GPR39: variants seen among roughly 807,000 people sequenced by gnomAD.
GPR39 encodes the protein G protein-coupled receptor 39, also known as zinc sensing receptor.
In GPR39, 23 loss-of-function variants were observed where a neutral mutation model predicts 18.4. The observed-to-expected ratio is 1.25, with a 90% CI of 0.90 to 1.77. The LOEUF (loss-of-function observed/expected upper bound fraction) is 1.77, where lower values mean the gene tolerates loss of function less well. GPR39 is among the 40% of genes most tolerant of loss of function. The pLI, the probability that GPR39 is intolerant of heterozygous loss-of-function variation, is 0.00. For missense variants in GPR39, 647 were observed against 602.4 expected (o/e 1.07, Z -0.78); for synonymous variants, 280 against 257.9 (o/e 1.09, Z -0.82).
chr2:132,582,373 T>G (rs1277928411), intron 1 of GPR39, among the ~76,000 whole-genome samples: 2 of 152,254 alleles, frequency 1.3e-5, no homozygotes, highest in South Asian at 4.1e-4. Flanking sequence ...TTGGATAATG[T>G]AATTCTTAAG....
intron 1 of GPR39, among the ~76,000 whole-genome samples, chr2:132,615,464 G>C (rs924614393): frequency 2.0e-5 from 3 of 152,146 alleles, no homozygotes; most frequent in African/African-American, 7.2e-5. Context: ...CAGAAGGGCT[G>C]AGCAGCAGAG....
intron 1 of GPR39, among the ~76,000 whole-genome samples, chr2:132,578,044 C>T (rs1356932125): frequency 6.7e-6 from 1 of 150,056 alleles, no homozygotes; most frequent in Non-Finnish European, 1.5e-5. Flanking sequence ...AAAGAAACTC[C>T]CCTCTATTTC....
At chr2:132,532,345 ATAAT>A (rs1218569355) in intron 1 of GPR39, among the ~76,000 whole-genome samples, 1 of 152,182 alleles carries the variant, frequency 6.6e-6, no homozygotes, top group East Asian at 1.9e-4. Flanking sequence ...AATTGTGGCA[ATAAT>A]TAATAGCTTA....
intron 1 of GPR39, among the ~76,000 whole-genome samples, chr2:132,514,441 G>T (rs1428552390): frequency 6.6e-6 from 1 of 152,170 alleles, no homozygotes; most frequent in Non-Finnish European, 1.5e-5. Flanking sequence ...GAGGGTCACA[G>T]GCTCCCCCGT....
chr2:132,418,803 T>A (rs1034265850), intron 1 of GPR39, among the ~76,000 whole-genome samples: 1 of 151,798 alleles, frequency 6.6e-6, no homozygotes, highest in Non-Finnish European at 1.5e-5. Flanking sequence ...TTAAAATATA[T>A]TTTTTTAGCA....
chr2:132,493,031 CCA>C (rs200587562), intron 1 of GPR39, among the ~76,000 whole-genome samples: 5,655 of 134,634 alleles, frequency 0.042, 416 homozygotes, highest in African/African-American at 0.14. Flanking sequence ...TATATATATA[CCA>C]TATATATACC....
rs975155511 is a variant in GPR39, at chr2:132,645,653, A to G, written c.*47A>G. On this transcript the variant is annotated 3_prime_UTR_variant, in exon 2 of 2. Coordinates refer to ENST00000329321, the MANE Select transcript of GPR39 (RefSeq NM_001508.3). ...AGTGGGAACTGGCCCTCCAGCCCTA[A>G]GAAAACGTCACTCTCACTCTGCAGT... The G allele has an allele frequency of 1.9e-6, 3 of 1,568,026 alleles. No individual in the cohort carries two copies. Among genetic ancestry groups the G allele is most frequent in the Middle Eastern group, 1.8e-4 (1 of 5,674 alleles).
chr2:132,625,719 G>T (rs1040797148), intron 1 of GPR39, among the ~76,000 whole-genome samples: 1 of 152,136 alleles, frequency 6.6e-6, no homozygotes, highest in African/African-American at 2.4e-5. Flanking sequence ...TGCTGATTCA[G>T]CACTCTGTTT....
intron 1 of GPR39, among the ~76,000 whole-genome samples, chr2:132,445,349 A>G (rs943701711): frequency 3.3e-5 from 5 of 152,228 alleles, no homozygotes; most frequent in Non-Finnish European, 7.3e-5. Context: ...GAACAAAAGA[A>G]GAAACTGATT....
At chr2:132,522,802 T>G (rs2104768228) in intron 1 of GPR39, among the ~76,000 whole-genome samples, 1 of 152,346 alleles carries the variant, frequency 6.6e-6, no homozygotes, top group South Asian at 2.1e-4. Context: ...GGAGCCTCCA[T>G]GTGGGGAAAC....
chr2:132,436,499 T>C (rs1025473057), intron 1 of GPR39, among the ~76,000 whole-genome samples: 13 of 152,290 alleles, frequency 8.5e-5, no homozygotes, highest in African/African-American at 2.9e-4. Context: ...GCTGGAGTCA[T>C]GTTCTCCGCA....
chr2:132,465,218 T>C (rs900175342), intron 1 of GPR39, among the ~76,000 whole-genome samples: 1 of 152,182 alleles, frequency 6.6e-6, no homozygotes, highest in African/African-American at 2.4e-5. Flanking sequence ...CCCTTTGTCC[T>C]GATCAGATCT....
chr2:132,633,683 G>A (rs1681693478), intron 1 of GPR39, among the ~76,000 whole-genome samples: 1 of 152,074 alleles, frequency 6.6e-6, no homozygotes, highest in Non-Finnish European at 1.5e-5. Flanking sequence ...AGGAGGTGAT[G>A]AGATAATGAC....
In GPR39 at chr2:132,417,876, G is replaced by C. The variant is rs1233106611; in HGVS notation, c.834G>C (p.Arg278Ser). 6.3e-7 allele frequency: 1 copy of C among 1,594,846 alleles called. No individual in the cohort carries two copies. Among genetic ancestry groups the C allele is most frequent in the East Asian group, 2.2e-5 (1 of 44,600 alleles). ...KSESEESRTA[R>S]RQTIIFLRLI... ...AGAGCGAAGAGAGCAGGACCGCCAG[G>C]AGGCAGACCATCATCTTCCTGAGTG... Residue 278 changes from arginine to serine, a missense_variant, in exon 1 of 2, where the codon AGG becomes AGC. Arg to Ser is a moderately radical substitution (Grantham distance 110). This residue lies in a region of GPR39 where 581 missense variants were observed against 506.8 expected (regional missense o/e 1.15). Transcript: ENST00000329321.
chr2:132,569,371 C>T (rs1325441697), intron 1 of GPR39, among the ~76,000 whole-genome samples: 1 of 152,064 alleles, frequency 6.6e-6, no homozygotes, highest in African/African-American at 2.4e-5. Context: ...TGGCTGAGCT[C>T]TATATTCTAG....
At position 132,573,030 on chromosome 2, in the gene GPR39, A is replaced by G. The variant is rs573538898; in HGVS notation, c.857-72071A>G. 7.9e-5 allele frequency among the ~76,000 whole-genome samples: 12 copies of G among 152,236 alleles called. No individual in the cohort carries two copies. The South Asian group carries it at 2.1e-3, about 26-fold the overall frequency. ...ACATGGGTGCCCATTGTGGAAGTGA[A>G]ATGGTGGCCCTTGCTCCCAATGGCC... On this transcript the variant is annotated intron_variant, in intron 1 of 1. Transcript: ENST00000329321.
At chr2:132,531,235 C>A (rs1246015973) in intron 1 of GPR39, among the ~76,000 whole-genome samples, 1 of 152,054 alleles carries the variant, frequency 6.6e-6, no homozygotes, top group African/African-American at 2.4e-5. Context: ...TTTAAACCAA[C>A]AAAGATCAAA....
intron 1 of GPR39, among the ~76,000 whole-genome samples, chr2:132,509,016 G>C (rs1200419599): frequency 6.6e-6 from 1 of 152,184 alleles, no homozygotes; most frequent in African/African-American, 2.4e-5. Flanking sequence ...GAAATCCAGA[G>C]AGGCCAGGCT....
chr2:132,553,271 C>T (rs1323802371), intron 1 of GPR39, among the ~76,000 whole-genome samples: 5 of 150,526 alleles, frequency 3.3e-5, no homozygotes, highest in African/African-American at 9.8e-5. Flanking sequence ...AACCAATCCC[C>T]CTCCCCTCAC....
Sources: allele counts gnomAD v4.1 joint callset (sites outside exome capture counted in the v4.1 genomes callset), GRCh38; gene constraint gnomAD v4.1.1; regional missense constraint gnomAD v4.1.1; transcripts MANE v1.5; gene names NCBI Gene and HGNC (gene_info 2026-07-23, HGNC 2026-07-21).